The following MCPH1 variants were observed in gnomAD, a reference collection of about 807,000 sequenced individuals.
MCPH1 encodes the protein microcephalin.
In MCPH1, 104 loss-of-function variants were observed where a neutral mutation model predicts 84.5. That is an observed-to-expected ratio of 1.23 (90% CI 1.05 to 1.45). The LOEUF (loss-of-function observed/expected upper bound fraction) is 1.45. Ranked by LOEUF, MCPH1 falls within the 40% of genes most tolerant of loss-of-function variation. The probability of loss-of-function intolerance (pLI) is 0.00; values close to 1 mark genes in which losing one functional copy is unlikely to be tolerated. For missense variants in MCPH1, 1,498 were observed against 1,005.7 expected, an observed-to-expected ratio of 1.49 and a Z score of -6.62; for synonymous variants, 514 against 366.8, an observed-to-expected ratio of 1.40 and a Z score of -4.58.
In MCPH1 at chr8:6,455,344, G is replaced by A. The variant is rs971971756; in HGVS notation, c.1935+92G>A. ...CAATGAAACATAAACCAGTCTATCT[G>A]ACTTGTCTTTTATTCTAAAAAATTG... is the stretch of plus-strand genomic sequence containing the variant. On this transcript the variant is annotated intron_variant, in intron 9 of 13. Coordinates refer to ENST00000344683, the MANE Select transcript of MCPH1 (RefSeq NM_024596.5). The A allele has an allele frequency of 3.2e-6, 3 of 932,102 alleles. No individual in the cohort carries two copies. In the African/African-American group the frequency reaches 4.9e-5, roughly 15 times the overall value. The allele number at this position is 932,102 out of a possible 1,614,324, so 57.7% of individuals were successfully genotyped here.
At position 6,645,296 on chromosome 8, in the gene MCPH1, G is replaced by C. The variant is rs1455345622; in HGVS notation, c.*2247G>C. 2 of 152,144 alleles carry C rather than the reference G, an allele frequency of 1.3e-5. No homozygotes were observed. Among genetic ancestry groups the C allele is most frequent in the African/African-American group, 4.8e-5 (2 of 41,412 alleles). 9.4% of individuals were successfully genotyped at this position (152,144 alleles called of 1,614,324 possible). On this transcript the variant is annotated 3_prime_UTR_variant, in exon 14 of 14. Coordinates refer to ENST00000344683, the MANE Select transcript of MCPH1 (RefSeq NM_024596.5). ...TAGTATTTTATGAGGACTGACTGTT[G>C]CTAGACATTACACTAAGCACATTAT...
intron 3 of MCPH1, among the ~76,000 whole-genome samples, chr8:6,424,754 C>T (rs543903917): frequency 2.1e-4 from 32 of 152,320 alleles, no homozygotes; most frequent in African/African-American, 6.7e-4. Flanking sequence ...TAACTTCCTA[C>T]GGTTATTTAG....
At chr8:6,417,496 C>G (rs569902152) in intron 3 of MCPH1, among the ~76,000 whole-genome samples, 6 of 152,148 alleles carry the variant, frequency 3.9e-5, no homozygotes, top group South Asian at 4.1e-4. Flanking sequence ...ATAGTGCTCT[C>G]CTTCTTCTTC....
At chr8:6,549,382 C>T (rs1404199178) in intron 12 of MCPH1, among the ~76,000 whole-genome samples, 3 of 152,212 alleles carry the variant, frequency 2.0e-5, no homozygotes, top group Non-Finnish European at 2.9e-5. Flanking sequence ...ACATGACATT[C>T]AAAACCTAGC....
intron 12 of MCPH1, among the ~76,000 whole-genome samples, chr8:6,526,951 A>G (rs1191900087): frequency 6.6e-6 from 1 of 152,118 alleles, no homozygotes; most frequent in Non-Finnish European, 1.5e-5. Context: ...CATGTTTAAT[A>G]TTTTTGGTTT....
At chr8:6,472,579 GC>G (rs1563255920) in intron 9 of MCPH1, among the ~76,000 whole-genome samples, 3 of 151,958 alleles carry the variant, frequency 2.0e-5, no homozygotes, top group Non-Finnish European at 4.4e-5. Flanking sequence ...CCATTCTCCT[GC>G]CCCAGCCTCC....
rs547751409 is a variant in MCPH1 at position 6,612,600 on chromosome 8, G to A, written c.2215-8854G>A. ...CCTGACCCCCACTGCGTCCGGCACCGCTGGTTGCGGGCCTGCTCCGGCTCT... is the reference window on the plus strand; with the variant it reads ...CCTGACCCCCACTGCGTCCGGCACCACTGGTTGCGGGCCTGCTCCGGCTCT... On this transcript the variant is annotated intron_variant, in intron 12 of 13. Coordinates refer to ENST00000344683, the MANE Select transcript of MCPH1 (RefSeq NM_024596.5). Among the ~76,000 whole-genome samples, 5 of 152,326 alleles carry A rather than the reference G, an allele frequency of 3.3e-5. No homozygotes were observed. In the East Asian group the frequency reaches 7.7e-4, roughly 24 times the overall value.
intron 12 of MCPH1, among the ~76,000 whole-genome samples, chr8:6,582,098 C>A (rs1827609359): frequency 6.6e-6 from 1 of 152,176 alleles, no homozygotes; most frequent in Non-Finnish European, 1.5e-5. Flanking sequence ...CAGTGCTTGG[C>A]TGTGGGATGG....
intron 3 of MCPH1, among the ~76,000 whole-genome samples, chr8:6,422,031 C>G (rs190015902): frequency 6.6e-6 from 1 of 152,342 alleles, no homozygotes; most frequent in East Asian, 1.9e-4. Flanking sequence ...GTTCACAGTT[C>G]AAGCCCTATT....
intron 11 of MCPH1, among the ~76,000 whole-genome samples, chr8:6,487,583 C>G (rs946093597): frequency 2.0e-5 from 3 of 152,192 alleles, no homozygotes; most frequent in South Asian, 2.1e-4. Flanking sequence ...AACTTCATAA[C>G]TCATGTTAGG....
At chr8:6,567,154 GTGCCCGTGGCGTGGTGTCCATGTATGATC>G (rs1226666606) in intron 12 of MCPH1, among the ~76,000 whole-genome samples, 1 of 79,928 alleles carries the variant, frequency 1.3e-5, no homozygotes, top group Non-Finnish European at 3.0e-5. Context: ...GCCATGGATA[GTGCCCGTGGCGTGGTGTCCATGTATGATC>G]AGCAAGGCCA....
intron 11 of MCPH1, among the ~76,000 whole-genome samples, chr8:6,498,232 A>C (rs1412409627): frequency 6.6e-6 from 1 of 152,216 alleles, no homozygotes; most frequent in Non-Finnish European, 1.5e-5. Context: ...TTCTTATAAG[A>C]AATATGTTGG....
chr8:6,517,932 A>T (rs1763991117), intron 12 of MCPH1, among the ~76,000 whole-genome samples: 1 of 152,198 alleles, frequency 6.6e-6, no homozygotes, highest in Non-Finnish European at 1.5e-5. Context: ...GTGAAAGCTT[A>T]TTGTTCCCTG....
intron 8 of MCPH1, chr8:6,446,360 TCTGCTCTACAAATGTTTTAA>T: frequency 1.0e-6 from 1 of 984,844 alleles, no homozygotes; most frequent in Non-Finnish European, 1.2e-6. Context: ...GCATGATTTC[TCTGCTCTACAAATGTTTTAA>T]CTGCCTCTTT....
chr8:6,408,030 C>T (rs957940333), intron 1 of MCPH1, among the ~76,000 whole-genome samples: 3 of 152,152 alleles, frequency 2.0e-5, no homozygotes, highest in African/African-American at 7.2e-5. Context: ...GTGGCAAATA[C>T]TGTATTGGCC....
Position 6,647,402 on chromosome 8 carries a change from G to A in MCPH1, c.*4353G>A, listed in dbSNP as rs1377270876. 1.3e-5 allele frequency: 2 copies of A among 152,140 alleles called. No homozygotes were observed. Among genetic ancestry groups the A allele is most frequent in the African/African-American group, 4.8e-5 (2 of 41,416 alleles). The allele number at this position is 152,140 out of a possible 1,614,324, so 9.4% of individuals were successfully genotyped here. A position where few individuals can be genotyped will look rare whatever the true frequency, so the allele number is the denominator to read the frequency against. ...AAAATTGAACATTCAACTACCATATGACCCAGCAATTTCACTCTCAGGTAT... is the reference window on the plus strand; with the variant it reads ...AAAATTGAACATTCAACTACCATATAACCCAGCAATTTCACTCTCAGGTAT... On this transcript the variant is annotated 3_prime_UTR_variant, in exon 14 of 14. Transcript: ENST00000344683.
chr8:6,472,336 C>T (rs1420309163), intron 9 of MCPH1, among the ~76,000 whole-genome samples: 1 of 152,164 alleles, frequency 6.6e-6, no homozygotes, highest in Non-Finnish European at 1.5e-5. Flanking sequence ...CAATTTGTCC[C>T]ATATAACTTA....
At chr8:6,421,205 C>A (rs114388114) in intron 3 of MCPH1, among the ~76,000 whole-genome samples, 138 of 152,266 alleles carry the variant, frequency 9.1e-4, no homozygotes, top group African/African-American at 3.2e-3. Context: ...CTCTCCCTGG[C>A]GTCTGCATTC....
In MCPH1 at chr8:6,472,524, G is replaced by A. The variant is rs147609579; in HGVS notation, c.1936-5070G>A. The stretch of plus-strand genomic sequence containing the variant: ...TCTGTCGCCCAGGCTGGAGTGCATT[G>A]GCCCGATCTTAGCTCACTGCAACCT... On this transcript the variant is annotated intron_variant, in intron 9 of 13. Transcript: ENST00000344683. 1.2e-3 allele frequency among the ~76,000 whole-genome samples: 189 copies of A among 152,164 alleles called. 3 individuals carry two copies. The East Asian group carries it at 0.031, about 25-fold the overall frequency.
Sources: gnomAD v4.1 joint callset for allele counts (sites outside exome capture counted in the v4.1 genomes callset) on GRCh38, gnomAD v4.1.1 for gene constraint, MANE v1.5 for transcripts, NCBI Gene and HGNC (gene_info 2026-07-23, HGNC 2026-07-21) for gene names.